POMP: variants seen among roughly 807,000 people sequenced by gnomAD.
POMP encodes 2510048O06Rik.
POMP carries 12 observed loss-of-function variants against 20.6 expected under a neutral mutation model. The observed-to-expected ratio is 0.58, with a 90% CI of 0.37 to 0.94. POMP has a LOEUF of 0.94. POMP is among the 40% of genes least tolerant of loss of function. The probability of loss-of-function intolerance (pLI) is 0.01; values close to 1 mark genes in which losing one functional copy is unlikely to be tolerated. For missense variants in POMP, 136 were observed against 161.1 expected (o/e 0.84, Z 0.84); for synonymous variants, 53 against 55.0 (o/e 0.96, Z 0.16).
intron 3 of POMP, among the ~76,000 whole-genome samples, chr13:28,664,949 A>T (rs1884415751): frequency 6.6e-6 from 1 of 152,210 alleles, no homozygotes; most frequent in East Asian, 1.9e-4. Context: ...TGTAGGACAC[A>T]GCCACTAGGC....
intron 5 of POMP, 74 bp downstream of exon 5, chr13:28,672,506 A>G (rs1047211539): frequency 6.1e-6 from 7 of 1,142,892 alleles, no homozygotes; most frequent in Non-Finnish European, 9.3e-6. Context: ...AGAATAGGCA[A>G]AATTCTTGTC....
intron 2 of POMP, among the ~76,000 whole-genome samples, chr13:28,663,377 C>T (rs947760036): frequency 1.2e-4 from 18 of 152,182 alleles, no homozygotes; most frequent in African/African-American, 4.3e-4. Context: ...ATGGCGCGAT[C>T]TCCCCTCATC....
At chr13:28,667,957 T>C (rs950742273) in intron 3 of POMP, among the ~76,000 whole-genome samples, 2 of 152,204 alleles carry the variant, frequency 1.3e-5, no homozygotes, top group Non-Finnish European at 2.9e-5. Flanking sequence ...TTTTGAGAGA[T>C]GTTTGTTTTT....
rs1884660927 is a variant in POMP at position 28,678,179 on chromosome 13, A to G, written c.*77A>G. On this transcript the variant is annotated 3_prime_UTR_variant, in exon 6 of 6. Coordinates refer to ENST00000380842, the MANE Select transcript of POMP (RefSeq NM_015932.6). ...TGTACTGTAATTTGATGTACACAACATTAAAAGTACTGACACCTGAGAATT... is the reference window on the plus strand; with the variant it reads ...TGTACTGTAATTTGATGTACACAACGTTAAAAGTACTGACACCTGAGAATT... The G allele has an allele frequency of 2.9e-6, 4 of 1,396,140 alleles. No homozygotes were observed. Among genetic ancestry groups the G allele is most frequent in the African/African-American group, 2.9e-5 (2 of 70,118 alleles). 86.5% of individuals were successfully genotyped at this position (1,396,140 alleles called of 1,614,324 possible). A position where few individuals can be genotyped will look rare whatever the true frequency, so the allele number is the denominator to read the frequency against.
intron 5 of POMP, among the ~76,000 whole-genome samples, chr13:28,677,409 T>C (rs1252194712): frequency 6.6e-6 from 1 of 152,232 alleles, no homozygotes; most frequent in East Asian, 1.9e-4. Flanking sequence ...TTTCTAGTCC[T>C]ATGTTGAGTA....
chr13:28,667,057 C>T (rs1311096839), intron 3 of POMP, among the ~76,000 whole-genome samples: 2 of 152,162 alleles, frequency 1.3e-5, no homozygotes, highest in Non-Finnish European at 2.9e-5. Context: ...ATAATGTCTT[C>T]CAAACTGGAT....
intron 2 of POMP, among the ~76,000 whole-genome samples, 191 bp downstream of exon 2, chr13:28,662,698 G>A (rs1055581625): frequency 1.3e-5 from 2 of 152,238 alleles, no homozygotes; most frequent in African/African-American, 4.8e-5. Context: ...CAAAGTAGTA[G>A]GTTCCCAATT....
chr13:28,659,682 CTT>C (rs1566105703), intron 1 of POMP: 2 of 175,774 alleles, frequency 1.1e-5, no homozygotes, highest in African/African-American at 2.4e-5. Context: ...GCTCTACAAA[CTT>C]TTTTGAGAGC....
chr13:28,676,091 G>A (rs1452678174), intron 5 of POMP, among the ~76,000 whole-genome samples: 7 of 152,014 alleles, frequency 4.6e-5, no homozygotes, highest in Non-Finnish European at 1.0e-4. Flanking sequence ...TGCAAGCTCT[G>A]CCTCCCGGGT....
chr13:28,670,719 C>T (rs770034788), intron 4 of POMP, among the ~76,000 whole-genome samples: 1 of 152,212 alleles, frequency 6.6e-6, no homozygotes, highest in African/African-American at 2.4e-5. Flanking sequence ...GGTGCAGATT[C>T]CTTTCTCTGA....
In POMP at chr13:28,678,134, A is replaced by C; in HGVS notation, c.*32A>C. The C allele has an allele frequency of 6.3e-7, 1 of 1,579,360 alleles. No homozygotes were observed. The highest frequency in any genetic ancestry group is 8.7e-7 in the Non-Finnish European group (1 of 1,148,676). Reference sequence around the variant, plus strand: ...GCTGTTCATGGAAACCGAGGGCTGCATCTTGTTTATAGTCATCTTTGTACT... The same window carrying C: ...GCTGTTCATGGAAACCGAGGGCTGCCTCTTGTTTATAGTCATCTTTGTACT... On this transcript the variant is annotated 3_prime_UTR_variant, in exon 6 of 6. Transcript: ENST00000380842.
At chr13:28,664,427 C>T (rs1884402584) in intron 2 of POMP, 82 bp from the exon 3 acceptor site, 2 of 923,180 alleles carry the variant, frequency 2.2e-6, no homozygotes, top group East Asian at 2.6e-5. Flanking sequence ...TCATGCCATC[C>T]CTTTATAGAT....
intron 5 of POMP, among the ~76,000 whole-genome samples, chr13:28,673,495 T>G (rs34324771): frequency 6.6e-6 from 1 of 152,102 alleles, no homozygotes; most frequent in African/African-American, 2.4e-5. Flanking sequence ...TGTCCAATGC[T>G]GCCTCTGCTC....
At chr13:28,673,491 A>G (rs963838313) in intron 5 of POMP, among the ~76,000 whole-genome samples, 4 of 152,242 alleles carry the variant, frequency 2.6e-5, no homozygotes, top group Non-Finnish European at 4.4e-5. Context: ...ATCCTGTCCA[A>G]TGCTGCCTCT....
At position 28,678,357 on chromosome 13, in the gene POMP, GA is replaced by G. The variant is rs1884666227; in HGVS notation, c.*257del. 2.3e-6 allele frequency: 1 copy of G among 441,372 alleles called. No homozygotes were observed. The highest frequency in any genetic ancestry group is 4.1e-6 in the Non-Finnish European group (1 of 243,934). The allele number at this position is 441,372 out of a possible 1,614,324, so 27.3% of individuals were successfully genotyped here. On this transcript the variant is annotated 3_prime_UTR_variant, in exon 6 of 6. Transcript: ENST00000380842. The stretch of plus-strand genomic sequence containing the variant: ...TGTCTTTAAAAAAGTTGTTGCTCAT[GA>G]ATATTATAAAATGATCTACAGGTTT...
intron 5 of POMP, among the ~76,000 whole-genome samples, chr13:28,676,951 C>T (rs1884639526): frequency 6.6e-6 from 1 of 152,104 alleles, no homozygotes; most frequent in Non-Finnish European, 1.5e-5. Flanking sequence ...TCTTTTGGTG[C>T]AAGTGATTTA....
At chr13:28,669,356 C>T (rs1217375864) in intron 4 of POMP, among the ~76,000 whole-genome samples, 5 of 151,922 alleles carry the variant, frequency 3.3e-5, no homozygotes, top group Non-Finnish European at 1.5e-5. Flanking sequence ...TTCCTTTTTC[C>T]CTTGGCTTTT....
At chr13:28,667,458 C>G (rs557124630) in intron 3 of POMP, among the ~76,000 whole-genome samples, 1 of 152,162 alleles carries the variant, frequency 6.6e-6, no homozygotes, top group Non-Finnish European at 1.5e-5. Context: ...TCACTTAGAA[C>G]TTCAGATCAT....
At chr13:28,667,645 T>C (rs1485815317) in intron 3 of POMP, among the ~76,000 whole-genome samples, 1 of 152,200 alleles carries the variant, frequency 6.6e-6, no homozygotes, top group East Asian at 1.9e-4. Context: ...CCTTTTTGAT[T>C]ACTATTAGAA....
Sources: allele counts gnomAD v4.1 joint callset (sites outside exome capture counted in the v4.1 genomes callset), GRCh38; gene constraint gnomAD v4.1.1; transcripts MANE v1.5; gene names NCBI Gene and HGNC (gene_info 2026-07-23, HGNC 2026-07-21).